The following ATP8B4 variants were observed in gnomAD, a reference collection of about 807,000 sequenced individuals.
ATP8B4 encodes probable phospholipid-transporting ATPase IM.
In ATP8B4, 133 loss-of-function variants were observed where a neutral mutation model predicts 145.6. That is an observed-to-expected ratio of 0.91 (90% CI 0.79 to 1.05). The LOEUF is 1.05. ATP8B4 is among the 50% of genes least tolerant of loss of function. ATP8B4 has a pLI of 0.00. For synonymous variants in ATP8B4, 507 were observed against 492.9 expected (o/e 1.03, Z -0.38); for missense variants, 1,458 against 1,425.2 (o/e 1.02, Z -0.37).
At chr15:49,927,258 T>C (rs1339983722) in intron 16 of ATP8B4, among the ~76,000 whole-genome samples, 1 of 152,096 alleles carries the variant, frequency 6.6e-6, no homozygotes, top group East Asian at 1.9e-4. Flanking sequence ...ACTACTGGTA[T>C]TGAAATTATA....
At chr15:50,176,715 T>A (rs1232443604) in intron 1 of ATP8B4, among the ~76,000 whole-genome samples, 1 of 152,078 alleles carries the variant, frequency 6.6e-6, no homozygotes, top group East Asian at 1.9e-4. Context: ...ACAATGATGA[T>A]TTCATCAGGA....
chr15:50,134,460 G>A (rs1336323091), intron 1 of ATP8B4, among the ~76,000 whole-genome samples: 1 of 152,138 alleles, frequency 6.6e-6, no homozygotes, highest in Non-Finnish European at 1.5e-5. Flanking sequence ...AATAAGGAGT[G>A]AAAGCCATTC....
intron 1 of ATP8B4, among the ~76,000 whole-genome samples, chr15:50,132,781 CA>C (rs1290867187): frequency 6.6e-6 from 1 of 152,014 alleles, no homozygotes; most frequent in Admixed American, 6.6e-5. Context: ...TATGCAGCCA[CA>C]AAAAAGGATG....
chr15:49,882,291 A>T (rs2035547934), intron 23 of ATP8B4, among the ~76,000 whole-genome samples: 1 of 152,188 alleles, frequency 6.6e-6, no homozygotes. Flanking sequence ...GGGTCCCAGT[A>T]TCCAACTCCT....
chr15:50,171,348 TCAAG>T (rs2044671994), intron 1 of ATP8B4, among the ~76,000 whole-genome samples: 1 of 152,122 alleles, frequency 6.6e-6, no homozygotes, highest in Non-Finnish European at 1.5e-5. Context: ...TGAAATTATA[TCAAG>T]CACTCTCTCA....
intron 6 of ATP8B4, among the ~76,000 whole-genome samples, chr15:50,025,051 A>G (rs2049899988): frequency 6.6e-6 from 1 of 152,228 alleles, no homozygotes; most frequent in Non-Finnish European, 1.5e-5. Context: ...TTTTGCCCCA[A>G]GAGGCTTTAT....
chr15:50,051,274 T>C (rs1234172319), intron 3 of ATP8B4, among the ~76,000 whole-genome samples: 1 of 152,232 alleles, frequency 6.6e-6, no homozygotes, highest in Non-Finnish European at 1.5e-5. Context: ...CCTTCCATCA[T>C]GACTCTAAGA....
chr15:50,082,787 G>A (rs1407747291), intron 2 of ATP8B4, among the ~76,000 whole-genome samples: 4 of 152,170 alleles, frequency 2.6e-5, no homozygotes, highest in Non-Finnish European at 4.4e-5. Flanking sequence ...TTACAAGCTA[G>A]ATACTACATG....
chr15:49,926,450 A>G (rs747440073), intron 16 of ATP8B4, among the ~76,000 whole-genome samples: 10 of 152,104 alleles, frequency 6.6e-5, no homozygotes, highest in Non-Finnish European at 1.3e-4. Context: ...TACCCATTCC[A>G]GTACTGCTTC....
intron 3 of ATP8B4, among the ~76,000 whole-genome samples, chr15:50,053,146 A>C (rs1463500506): frequency 6.6e-6 from 1 of 152,212 alleles, no homozygotes; most frequent in Admixed American, 6.5e-5. Flanking sequence ...TATGTGTACT[A>C]AGAGTTTTAC....
chr15:50,135,868 C>T (rs2044114942), intron 1 of ATP8B4, among the ~76,000 whole-genome samples: 1 of 152,142 alleles, frequency 6.6e-6, no homozygotes, highest in African/African-American at 2.4e-5. Context: ...CAGAAGAATG[C>T]TAAATTCTCA....
chr15:50,071,439 TCA>T (rs1261512595), intron 3 of ATP8B4, among the ~76,000 whole-genome samples: 1 of 152,226 alleles, frequency 6.6e-6, no homozygotes, highest in East Asian at 1.9e-4. Flanking sequence ...GGGTTACTAC[TCA>T]CAGAAGGAAA....
chr15:49,873,105 TC>T (rs1210962044), intron 25 of ATP8B4, among the ~76,000 whole-genome samples: 1 of 152,216 alleles, frequency 6.6e-6, no homozygotes, highest in Non-Finnish European at 1.5e-5. Context: ...CAAAAGGTTA[TC>T]CATTTTTTAA....
intron 6 of ATP8B4, among the ~76,000 whole-genome samples, chr15:50,029,010 G>T (rs1055493324): frequency 6.6e-6 from 1 of 151,900 alleles, no homozygotes; most frequent in Non-Finnish European, 1.5e-5. Context: ...CGAGGCAGGC[G>T]GATCATGAGG....
intron 24 of ATP8B4, among the ~76,000 whole-genome samples, chr15:49,877,864 T>C (rs73396944): frequency 7.2e-5 from 11 of 152,258 alleles, no homozygotes; most frequent in Admixed American, 3.9e-4. Flanking sequence ...ATAACAACAA[T>C]AGCAATAATG....
intron 3 of ATP8B4, among the ~76,000 whole-genome samples, chr15:50,068,993 T>C (rs2053559069): frequency 6.6e-6 from 1 of 152,254 alleles, no homozygotes; most frequent in African/African-American, 2.4e-5. Context: ...GTCTGGCTGT[T>C]TGGCTCACTC....
chr15:49,873,569 C>A (rs1247393586), intron 25 of ATP8B4, among the ~76,000 whole-genome samples: 1 of 151,554 alleles, frequency 6.6e-6, no homozygotes, highest in Non-Finnish European at 1.5e-5. Flanking sequence ...TCATGCTAAC[C>A]CTGATTTGTG....
intron 13 of ATP8B4, among the ~76,000 whole-genome samples, chr15:49,964,827 AC>A (rs1438924330): frequency 6.6e-5 from 10 of 152,210 alleles, no homozygotes; most frequent in African/African-American, 2.4e-4. Context: ...ATCCTGGTCC[AC>A]ATGTCTGATA....
chr15:50,116,765 G>C (rs1048005250), intron 1 of ATP8B4, among the ~76,000 whole-genome samples: 3 of 152,030 alleles, frequency 2.0e-5, no homozygotes, highest in Non-Finnish European at 4.4e-5. Context: ...TACAGTGCCC[G>C]GCACTGGGTA....
Sources: allele counts gnomAD v4.1 joint callset (sites outside exome capture counted in the v4.1 genomes callset), GRCh38; gene constraint gnomAD v4.1.1; transcripts MANE v1.5; gene names NCBI Gene and HGNC (gene_info 2026-07-23, HGNC 2026-07-21).